The following DENND5B variants were observed in gnomAD, a reference collection of about 807,000 sequenced individuals.
DENND5B encodes the protein DENN domain containing 5B, also known as DENN domain-containing protein 5B.
DENND5B carries 34 observed loss-of-function variants against 140.6 expected under a neutral mutation model. That is an observed-to-expected ratio of 0.24 (90% CI 0.18 to 0.32). The LOEUF is 0.32. DENND5B is among the 10% of genes least tolerant of loss of function. The pLI is 1.00. For synonymous variants in DENND5B, 551 were observed against 562.1 expected (o/e 0.98, Z 0.28); for missense variants, 1,142 against 1,560.2 (o/e 0.73, Z 4.52).
intron 1 of DENND5B, among the ~76,000 whole-genome samples, chr12:31,541,668 A>T (rs935767074): frequency 6.6e-6 from 1 of 152,214 alleles, no homozygotes; most frequent in Non-Finnish European, 1.5e-5. Context: ...AAATAGAGCT[A>T]CCATATGATC....
chr12:31,541,686 C>T (rs1319733118), intron 1 of DENND5B, among the ~76,000 whole-genome samples: 1 of 152,188 alleles, frequency 6.6e-6, no homozygotes, highest in East Asian at 1.9e-4. Context: ...ATCCAGTGAT[C>T]CCACTCCTAG....
intron 4 of DENND5B, among the ~76,000 whole-genome samples, chr12:31,457,111 G>A (rs189190837): frequency 3.5e-4 from 53 of 152,256 alleles, no homozygotes; most frequent in African/African-American, 1.2e-3. Flanking sequence ...CAGAATCTCA[G>A]GGCAAGATAT....
intron 4 of DENND5B, among the ~76,000 whole-genome samples, chr12:31,454,266 C>T (rs2138157473): frequency 6.6e-6 from 1 of 152,236 alleles, no homozygotes; most frequent in South Asian, 2.1e-4. Context: ...GAAACCGAGG[C>T]CCAAGAAATT....
intron 1 of DENND5B, among the ~76,000 whole-genome samples, chr12:31,529,349 T>C (rs1948202410): frequency 6.6e-6 from 1 of 152,114 alleles, no homozygotes; most frequent in African/African-American, 2.4e-5. Context: ...GAAAACTGCA[T>C]CCAAAGGAGT....
At chr12:31,426,887 C>A (rs1943260792) in intron 8 of DENND5B, 1 of 159,074 alleles carries the variant, frequency 6.3e-6, no homozygotes, top group African/African-American at 2.4e-5. Context: ...GCTCTCCAAT[C>A]TAACCCTTTG....
At chr12:31,535,752 C>G (rs151012200) in intron 1 of DENND5B, among the ~76,000 whole-genome samples, 4 of 152,144 alleles carry the variant, frequency 2.6e-5, no homozygotes, top group Non-Finnish European at 5.9e-5. Context: ...AACAAACATC[C>G]GCAAGTATCA....
intron 1 of DENND5B, among the ~76,000 whole-genome samples, chr12:31,528,889 C>A (rs1289878644): frequency 6.6e-6 from 1 of 152,148 alleles, no homozygotes; most frequent in African/African-American, 2.4e-5. Context: ...GGGTCAGGCA[C>A]GGTGGCTCAT....
chr12:31,564,152 G>T (rs1592059017), intron 1 of DENND5B, among the ~76,000 whole-genome samples: 1 of 152,168 alleles, frequency 6.6e-6, no homozygotes, highest in Non-Finnish European at 1.5e-5. Flanking sequence ...ACTATTTAAT[G>T]ACTAGAATAG....
intron 1 of DENND5B, among the ~76,000 whole-genome samples, chr12:31,552,375 T>C (rs1439486269): frequency 6.6e-6 from 1 of 152,188 alleles, no homozygotes; most frequent in Non-Finnish European, 1.5e-5. Context: ...TATTGATTTG[T>C]GTATGTTGAA....
intron 4 of DENND5B, among the ~76,000 whole-genome samples, chr12:31,459,168 A>C (rs1030600413): frequency 1.3e-5 from 2 of 151,554 alleles, no homozygotes; most frequent in East Asian, 3.9e-4. Flanking sequence ...CCGCCATTGC[A>C]CTCCAGCCTG....
chr12:31,388,350 A>G (rs368188579), intron 20 of DENND5B, among the ~76,000 whole-genome samples: 4 of 151,994 alleles, frequency 2.6e-5, no homozygotes, highest in South Asian at 4.1e-4. Context: ...AATAAATCAG[A>G]AGAGTATAGA....
At chr12:31,555,013 G>A (rs1204011846) in intron 1 of DENND5B, among the ~76,000 whole-genome samples, 1 of 152,048 alleles carries the variant, frequency 6.6e-6, no homozygotes, top group Non-Finnish European at 1.5e-5. Flanking sequence ...ACTTCCTCCT[G>A]TAGCTCAGAG....
At chr12:31,484,674 A>C (rs1388272375) in intron 2 of DENND5B, among the ~76,000 whole-genome samples, 1 of 152,056 alleles carries the variant, frequency 6.6e-6, no homozygotes, top group African/African-American at 2.4e-5. Context: ...GGTGGCATGC[A>C]CCTGTAGACC....
At chr12:31,472,115 C>G (rs1220675627) in intron 3 of DENND5B, among the ~76,000 whole-genome samples, 7 of 152,172 alleles carry the variant, frequency 4.6e-5, no homozygotes, top group Admixed American at 4.6e-4. Flanking sequence ...TGTAACTTTA[C>G]TGCTTCAAAA....
At chr12:31,505,504 G>A (rs1591944677) in intron 1 of DENND5B, among the ~76,000 whole-genome samples, 1 of 151,948 alleles carries the variant, frequency 6.6e-6, no homozygotes, top group East Asian at 1.9e-4. Context: ...CCCAAGTGCT[G>A]GGATTACAGG....
chr12:31,497,943 CGGGGAGG>C (rs1946843798), intron 1 of DENND5B, among the ~76,000 whole-genome samples: 1 of 24,794 alleles, frequency 4.0e-5, no homozygotes, highest in Admixed American at 6.4e-4. Flanking sequence ...GGGGAGGGGG[CGGGGAGG>C]AGAGGGGAGG....
rs779337210 is a variant in DENND5B at position 31,409,266 on chromosome 12, T to C, written c.2800A>G (p.Ile934Val). 1.9e-6 allele frequency: 3 copies of C among 1,570,962 alleles called. No individual in the cohort carries two copies. The highest frequency in any genetic ancestry group is 2.6e-6 in the Non-Finnish European group (3 of 1,158,516). ...YFCFTSVFTT[I>V]MIPYRSVIIP... ...ACGGTCAATTCTCTAGACTTACTGA[T>C]AGTGGTGAACACACTGGTGAAGCAG... Residue 934 changes from isoleucine to valine, a missense_variant, in exon 14 of 21, where the codon ATC becomes GTC. By Grantham distance (29) the Ile-to-Val change is conservative. Around this residue, in one of 5 missense-constraint regions of DENND5B, gnomAD observed 268 missense variants for 349.2 expected, o/e 0.77. Transcript: ENST00000389082.
intron 5 of DENND5B, among the ~76,000 whole-genome samples, chr12:31,448,045 G>A (rs66635949): frequency 0.13 from 20,190 of 152,078 alleles, 1,596 homozygotes; most frequent in Non-Finnish European, 0.18. Flanking sequence ...AGTAACGAAA[G>A]ATGGCAGATA....
In DENND5B at chr12:31,590,791, GGAGCCC is replaced by G. The variant is rs1369366667; in HGVS notation, c.36_41del (p.Gly13_Ser14del). 7.4e-6 allele frequency: 10 copies of G among 1,360,506 alleles called. No individual in the cohort carries two copies. In the African/African-American group the frequency reaches 9.1e-5, roughly 12 times the overall value. 84.3% of individuals were successfully genotyped at this position (1,360,506 alleles called of 1,614,324 possible). ...GCGCGAAGCGGCAGGCGGCCGGGGA[GGAGCCC>G]GAGCCCGGGCCGGGCGCCGCGCAGC... On this transcript the variant is annotated inframe_deletion, in exon 1 of 21. Transcript: ENST00000389082.
Sources: allele counts gnomAD v4.1 joint callset (sites outside exome capture counted in the v4.1 genomes callset), GRCh38; gene constraint gnomAD v4.1.1; regional missense constraint gnomAD v4.1.1; transcripts MANE v1.5; gene names NCBI Gene and HGNC (gene_info 2026-07-23, HGNC 2026-07-21).